PTK2: variants seen among roughly 807,000 people sequenced by gnomAD.
PTK2 encodes protein tyrosine kinase 2.
Under a neutral mutation model 150.1 loss-of-function variants are expected in PTK2, and 45 were observed. The observed-to-expected ratio is 0.30, with a 90% confidence interval of 0.24 to 0.38. PTK2 has a LOEUF of 0.38. PTK2 is among the 10% of genes least tolerant of loss of function. PTK2 has a pLI of 1.00. For missense variants in PTK2, 919 were observed against 1,307.3 expected, an observed-to-expected ratio of 0.70 and a Z score of 4.58; for synonymous variants, 432 against 449.2, an observed-to-expected ratio of 0.96 and a Z score of 0.48.
intron 1 of PTK2, among the ~76,000 whole-genome samples, chr8:140,951,683 G>C (rs1055260642): frequency 6.6e-6 from 1 of 152,098 alleles, no homozygotes; most frequent in African/African-American, 2.4e-5. Flanking sequence ...AGGAGTTTGA[G>C]ACCAGCTTGG....
intron 1 of PTK2, among the ~76,000 whole-genome samples, chr8:140,940,142 A>C (rs2100175145): frequency 6.6e-6 from 1 of 152,286 alleles, no homozygotes; most frequent in African/African-American, 2.4e-5. Context: ...AGGATGGGCA[A>C]GTAATAAATA....
chr8:140,894,402 C>T (rs2100155294), intron 2 of PTK2, among the ~76,000 whole-genome samples: 1 of 152,160 alleles, frequency 6.6e-6, no homozygotes, highest in Admixed American at 6.5e-5. Context: ...AAGAGATATA[C>T]TTAACAACAA....
chr8:140,954,039 C>A (rs1222163329), intron 1 of PTK2, among the ~76,000 whole-genome samples: 1 of 151,620 alleles, frequency 6.6e-6, no homozygotes, highest in Non-Finnish European at 1.5e-5. Flanking sequence ...ACGATCTCGG[C>A]TCACTGTAAC....
chr8:140,823,481 G>A (rs199946297), intron 8 of PTK2, among the ~76,000 whole-genome samples: 1 of 92,180 alleles, frequency 1.1e-5, no homozygotes, highest in Non-Finnish European at 1.9e-5. Flanking sequence ...AGGTTAAAAT[G>A]CATATATATA....
At chr8:140,672,572 G>A (rs1412149587) in intron 29 of PTK2, among the ~76,000 whole-genome samples, 2 of 148,386 alleles carry the variant, frequency 1.3e-5, no homozygotes, top group African/African-American at 2.4e-5. Context: ...CTTTCACTAT[G>A]GCCACAGAGG....
intron 8 of PTK2, among the ~76,000 whole-genome samples, chr8:140,824,068 T>C (rs2100110460): frequency 6.6e-6 from 1 of 152,174 alleles, no homozygotes; most frequent in South Asian, 2.1e-4. Context: ...CATCAACCCT[T>C]TGCTAAATAA....
chr8:140,890,838 G>T, intron 2 of PTK2, 69 bp from the exon 3 acceptor site: 2 of 1,316,334 alleles, frequency 1.5e-6, no homozygotes, highest in Non-Finnish European at 2.2e-6. Flanking sequence ...GTGATATGTT[G>T]TTTATATCAA....
chr8:140,728,947 CAT>C (rs1170055677), intron 22 of PTK2, among the ~76,000 whole-genome samples: 3 of 152,148 alleles, frequency 2.0e-5, no homozygotes, highest in Admixed American at 2.0e-4. Flanking sequence ...TACACGCACA[CAT>C]GTCCATTTAC....
At chr8:140,859,709 A>G (rs967752319) in intron 5 of PTK2, among the ~76,000 whole-genome samples, 2 of 152,244 alleles carry the variant, frequency 1.3e-5, no homozygotes, top group African/African-American at 4.8e-5. Context: ...CGCTGGCTAT[A>G]GAAAGCTGAT....
rs1165816551 is a variant in PTK2, at chr8:140,739,111, G to C, written c.1736-4C>G. ...ATAGGCAATTTTCCTTTGGAAGCTA[G>C]AAGATTAATTTTAGAAAATAAATTT... On this transcript the variant is annotated splice_polypyrimidine_tract_variant and splice_region_variant and intron_variant, in intron 20 of 31. Coordinates refer to ENST00000522684, the Ensembl canonical transcript of PTK2. The C allele has an allele frequency of 6.6e-7, 1 of 1,525,208 alleles. No homozygotes were observed. The highest frequency in any genetic ancestry group is 8.8e-7 in the Non-Finnish European group (1 of 1,131,866). The allele number at this position is 1,525,208 out of a possible 1,614,324, so 94.5% of individuals were successfully genotyped here.
At chr8:140,980,254 A>G in intron 1 of PTK2, among the ~76,000 whole-genome samples, 1 of 152,244 alleles carries the variant, frequency 6.6e-6, no homozygotes, top group Middle Eastern at 3.2e-3. Flanking sequence ...CCTAAGTTTT[A>G]AAATCAGAGT....
chr8:140,690,008 A>G (rs2153803692), intron 26 of PTK2, among the ~76,000 whole-genome samples: 1 of 152,268 alleles, frequency 6.6e-6, no homozygotes, highest in South Asian at 2.1e-4. Flanking sequence ...GCTGGAGTGC[A>G]GTGGCATGAC....
intron 10 of PTK2, among the ~76,000 whole-genome samples, chr8:140,816,235 A>G (rs573137765): frequency 9.8e-5 from 15 of 152,352 alleles, no homozygotes; most frequent in African/African-American, 2.4e-4. Flanking sequence ...GTCATTCAAC[A>G]TAAGGCCCAA....
chr8:140,755,149 T>TTA (rs1479414328), intron 16 of PTK2, among the ~76,000 whole-genome samples: 4 of 151,950 alleles, frequency 2.6e-5, no homozygotes, highest in Non-Finnish European at 5.9e-5. Flanking sequence ...TAAGAGAAAA[T>TTA]TAGATTTAAT....
chr8:140,685,585 AACAG>A (rs1195720533), intron 27 of PTK2, among the ~76,000 whole-genome samples: 2 of 152,272 alleles, frequency 1.3e-5, no homozygotes, highest in Non-Finnish European at 2.9e-5. Flanking sequence ...AAAGGACATG[AACAG>A]ACACTTTTCA....
chr8:140,808,550 G>A lies in PTK2; in HGVS notation c.868-4900C>T, dbSNP rs1192038047. Among the ~76,000 whole-genome samples the A allele has an allele frequency of 2.6e-5, 4 of 151,998 alleles. No individual in the cohort carries two copies. The East Asian group carries it at 7.7e-4, about 29-fold the overall frequency. On this transcript the variant is annotated intron_variant, in intron 10 of 31. Coordinates refer to ENST00000522684, the Ensembl canonical transcript of PTK2. Reference sequence around the variant, plus strand: ...GGCCATAAAGAAGATCTTAACAACTGTGAAACAGTTAACATTTAAAAATCA... The same window carrying A: ...GGCCATAAAGAAGATCTTAACAACTATGAAACAGTTAACATTTAAAAATCA...
At chr8:140,880,563 T>A (rs1389819260) in intron 3 of PTK2, among the ~76,000 whole-genome samples, 2 of 152,314 alleles carry the variant, frequency 1.3e-5, no homozygotes, top group African/African-American at 4.8e-5. Context: ...AGTTTTTTTT[T>A]AAATGATGCT....
chr8:140,696,124 G>A (rs562342659), intron 26 of PTK2, among the ~76,000 whole-genome samples: 1 of 152,294 alleles, frequency 6.6e-6, no homozygotes, highest in East Asian at 1.9e-4. Flanking sequence ...AATGCTGGCT[G>A]AGCCTTATTA....
intron 27 of PTK2, 71 bp from the exon 31 acceptor site, chr8:140,675,570 T>C (rs1376335947): frequency 1.7e-6 from 2 of 1,156,040 alleles, no homozygotes; most frequent in Admixed American, 3.6e-5. Context: ...TCACCCACCC[T>C]GTCTATCCAC....
Sources: gnomAD v4.1 joint callset for allele counts (sites outside exome capture counted in the v4.1 genomes callset) on GRCh38, gnomAD v4.1.1 for gene constraint, MANE v1.5 for transcripts, NCBI Gene and HGNC (gene_info 2026-07-23, HGNC 2026-07-21) for gene names.